The following RABGAP1L variants were observed in gnomAD, a reference collection of about 807,000 sequenced individuals.
RABGAP1L encodes RAB GTPase activating protein 1 like.
In RABGAP1L, 63 loss-of-function variants were observed where a neutral mutation model predicts 137.7. That is an observed-to-expected ratio of 0.46 (90% confidence interval 0.37 to 0.56). The LOEUF (loss-of-function observed/expected upper bound fraction) is 0.56, where lower values mean the gene tolerates loss of function less well. Among genes scored for constraint, RABGAP1L ranks in the 20% least tolerant of loss-of-function variants. The pLI is 0.00. For missense variants in RABGAP1L, 1,095 were observed against 1,244.0 expected (o/e 0.88, Z 1.80); for synonymous variants, 431 against 433.7 (o/e 0.99, Z 0.08).
chr1:174,897,774 G>A (rs1558205724), intron 19 of RABGAP1L: 1 of 152,234 alleles, frequency 6.6e-6, no homozygotes. Flanking sequence ...CAGATCACCT[G>A]AGGTAAGAAG....
At chr1:174,575,150 G>A (rs12080242) in intron 13 of RABGAP1L, among the ~76,000 whole-genome samples, 18,135 of 152,054 alleles carry the variant, frequency 0.12, 3,655 homozygotes, top group African/African-American at 0.41. Flanking sequence ...GGCTGGTCGC[G>A]AACTCCCGAC....
intron 13 of RABGAP1L, 57 bp from the exon 14 acceptor site, chr1:174,637,314 ATATT>A (rs1262591831): frequency 1.3e-5 from 15 of 1,151,254 alleles, no homozygotes; most frequent in African/African-American, 4.7e-5. Context: ...CCATGTGTAT[ATATT>A]ATATTTCATA....
intron 19 of RABGAP1L, among the ~76,000 whole-genome samples, chr1:174,908,623 A>G (rs991673733): frequency 4.1e-5 from 6 of 146,462 alleles, no homozygotes; most frequent in Non-Finnish European, 7.4e-5. Flanking sequence ...GCTCACTGCA[A>G]CCTCTGCCTC....
At position 174,598,256 on chromosome 1, in the gene RABGAP1L, A is replaced by G. The variant is rs920775196; in HGVS notation, c.1711-39119A>G. Among the ~76,000 whole-genome samples the G allele has an allele frequency of 5.6e-4, 79 of 142,294 alleles. 2 individuals carry two copies. Among genetic ancestry groups the G allele is most frequent in the Admixed American group, 1.7e-3 (23 of 13,230 alleles). 93.4% of individuals were successfully genotyped at this position (142,294 alleles called of 152,430 possible). On this transcript the variant is annotated intron_variant, in intron 13 of 25. Transcript: ENST00000681986. ...GGCAGGGGAATCCCTTGAACCCGGG[A>G]GGCGGAGGTTGCAGTGAGCCGAGAT... is the stretch of plus-strand genomic sequence containing the variant.
At chr1:174,619,578 C>G (rs901635025) in intron 13 of RABGAP1L, among the ~76,000 whole-genome samples, 3 of 152,164 alleles carry the variant, frequency 2.0e-5, no homozygotes, top group African/African-American at 7.2e-5. Context: ...CCTTTACAGA[C>G]AAGCAAATGC....
intron 17 of RABGAP1L, among the ~76,000 whole-genome samples, chr1:174,716,449 T>A (rs546073951): frequency 6.6e-6 from 1 of 152,272 alleles, no homozygotes; most frequent in South Asian, 2.1e-4. Context: ...ACCCAGCTGT[T>A]TGGCATTTTT....
chr1:174,565,947 A>G (rs1667555608), intron 13 of RABGAP1L, among the ~76,000 whole-genome samples: 1 of 148,334 alleles, frequency 6.7e-6, no homozygotes. Flanking sequence ...GTGCAGTGGC[A>G]ATACCTTGCT....
chr1:174,372,230 T>TG (rs1378043557), intron 12 of RABGAP1L, among the ~76,000 whole-genome samples: 1 of 152,058 alleles, frequency 6.6e-6, no homozygotes, highest in African/African-American at 2.4e-5. Context: ...AATATGAGCA[T>TG]GGACCACCCA....
chr1:174,621,213 C>G (rs1672430270), intron 13 of RABGAP1L, among the ~76,000 whole-genome samples: 2 of 152,120 alleles, frequency 1.3e-5, no homozygotes, highest in Non-Finnish European at 2.9e-5. Context: ...AGGATACAAA[C>G]AAATGGAAGA....
rs369051061 is a variant in RABGAP1L at position 174,823,055 on chromosome 1, A to G, written c.2340+11095A>G. 2.0e-5 allele frequency among the ~76,000 whole-genome samples: 3 copies of G among 152,338 alleles called. No individual in the cohort carries two copies. In the South Asian group the frequency reaches 6.2e-4, roughly 32 times the overall value. On this transcript the variant is annotated intron_variant, in intron 19 of 25. Coordinates refer to ENST00000681986, the MANE Select transcript of RABGAP1L (RefSeq NM_001366446.1). ...GCATTATGCCTTTATAGACGTTCCA[A>G]AATTGGAACTATGTGCATTCCATGC... is the stretch of plus-strand genomic sequence containing the variant.
intron 5 of RABGAP1L, among the ~76,000 whole-genome samples, chr1:174,242,080 A>C (rs1247695938): frequency 6.6e-6 from 1 of 152,096 alleles, no homozygotes; most frequent in Non-Finnish European, 1.5e-5. Context: ...CATTAAGATT[A>C]TTTTATCAAT....
chr1:174,503,648 G>A (rs1381205724), intron 13 of RABGAP1L, among the ~76,000 whole-genome samples: 13 of 89,630 alleles, frequency 1.5e-4, no homozygotes, highest in Non-Finnish European at 2.0e-4. Context: ...GCAACAGAGC[G>A]AGACTCCGTC....
intron 13 of RABGAP1L, among the ~76,000 whole-genome samples, chr1:174,636,412 C>T (rs1363180374): frequency 6.6e-6 from 1 of 151,900 alleles, no homozygotes; most frequent in Admixed American, 6.6e-5. Context: ...CCTGTAATCC[C>T]AGCTACTTGG....
chr1:174,447,688 C>T (rs1315478288), intron 13 of RABGAP1L, among the ~76,000 whole-genome samples: 1 of 152,068 alleles, frequency 6.6e-6, no homozygotes, highest in African/African-American at 2.4e-5. Context: ...GGAGAACAGC[C>T]CACAGAAGCT....
intron 18 of RABGAP1L, among the ~76,000 whole-genome samples, chr1:174,786,342 A>G (rs552855982): frequency 3.3e-5 from 5 of 152,374 alleles, no homozygotes; most frequent in African/African-American, 1.2e-4. Flanking sequence ...TTTATTAGTT[A>G]TAGCCAACTA....
chr1:174,370,396 AT>A (rs1169200472), intron 11 of RABGAP1L, among the ~76,000 whole-genome samples: 1 of 140,770 alleles, frequency 7.1e-6, no homozygotes, highest in Non-Finnish European at 1.5e-5. Context: ...ATTATTTTAC[AT>A]TTTGAGGTGT....
chr1:174,383,339 C>T, intron 12 of RABGAP1L, among the ~76,000 whole-genome samples: 1 of 151,650 alleles, frequency 6.6e-6, no homozygotes, highest in African/African-American at 2.4e-5. Context: ...TTCCTGGCTG[C>T]TTTGTTTACC....
chr1:174,788,933 C>T (rs1163427355), intron 18 of RABGAP1L, among the ~76,000 whole-genome samples: 5 of 152,230 alleles, frequency 3.3e-5, no homozygotes, highest in South Asian at 2.1e-4. Flanking sequence ...AGGCTGTTCT[C>T]GAACTCCTGA....
chr1:174,455,958 T>C (rs748851665), intron 13 of RABGAP1L, among the ~76,000 whole-genome samples: 2 of 152,106 alleles, frequency 1.3e-5, no homozygotes, highest in Non-Finnish European at 2.9e-5. Context: ...GTGACAATAA[T>C]ATTGCCTGTG....
Sources: gnomAD v4.1 joint callset for allele counts (sites outside exome capture counted in the v4.1 genomes callset) on GRCh38, gnomAD v4.1.1 for gene constraint, MANE v1.5 for transcripts, NCBI Gene and HGNC (gene_info 2026-07-23, HGNC 2026-07-21) for gene names.